The following SPMAP2L variants were observed in gnomAD, a reference collection of about 807,000 sequenced individuals.
SPMAP2L encodes sperm microtubule associated protein 2-like.
At chr4:56,545,474 C>CCAG in the SPMAP2L span, among the ~76,000 whole-genome samples, 11 of 151,894 alleles carry the variant, frequency 7.2e-5, no homozygotes, top group African/African-American at 2.7e-4. Context: ...TGACTCATGC[C>CCAG]CAGCACTTTG....
the SPMAP2L span, among the ~76,000 whole-genome samples, chr4:56,613,433 T>C: frequency 6.6e-6 from 1 of 152,102 alleles, no homozygotes; most frequent in Non-Finnish European, 1.5e-5. Context: ...AGAAAGAAGC[T>C]GTAGACTTCA....
chr4:56,568,913 A>G, the SPMAP2L span, among the ~76,000 whole-genome samples: 1 of 152,172 alleles, frequency 6.6e-6, no homozygotes, highest in African/African-American at 2.4e-5. Context: ...ATCTTACAAT[A>G]TGTTGTTCTT....
chr4:56,612,580 T>C, the SPMAP2L span, among the ~76,000 whole-genome samples: 43 of 118,530 alleles, frequency 3.6e-4, no homozygotes, highest in African/African-American at 1.6e-3. Flanking sequence ...GTTTACTTTT[T>C]TTTTTTCAAG....
the SPMAP2L span, among the ~76,000 whole-genome samples, chr4:56,564,626 T>C: frequency 3.9e-5 from 6 of 152,218 alleles, no homozygotes; most frequent in African/African-American, 7.2e-5. Flanking sequence ...TTTGGTTCCA[T>C]TGATTTTCTC....
chr4:56,624,295 G>A, the SPMAP2L span, among the ~76,000 whole-genome samples: 2 of 152,148 alleles, frequency 1.3e-5, no homozygotes, highest in South Asian at 4.1e-4. Flanking sequence ...GCTGTTAAAA[G>A]CATTCTGTTT....
At chr4:56,575,663 C>G in the SPMAP2L span, 1 of 1,531,074 alleles carries the variant, frequency 6.5e-7, no homozygotes, top group Non-Finnish European at 8.7e-7. Context: ...TTGAGAATCT[C>G]TGTAAATCCT....
At chr4:56,543,305 G>C in the SPMAP2L span, among the ~76,000 whole-genome samples, 11 of 152,154 alleles carry the variant, frequency 7.2e-5, no homozygotes, top group African/African-American at 2.2e-4. Context: ...GGATGGTCTC[G>C]ACCTCCTGCC....
chr4:56,559,415 A>T, the SPMAP2L span: 1 of 1,522,176 alleles, frequency 6.6e-7, no homozygotes, highest in Non-Finnish European at 8.8e-7. Flanking sequence ...GGAAATCAAG[A>T]TCCTATTCGC....
the SPMAP2L span, among the ~76,000 whole-genome samples, chr4:56,542,098 G>T: frequency 6.6e-6 from 1 of 152,224 alleles, no homozygotes; most frequent in Non-Finnish European, 1.5e-5. Flanking sequence ...AAATACTGAT[G>T]AATGTTAAGT....
At chr4:56,566,344 G>T in the SPMAP2L span, among the ~76,000 whole-genome samples, 3 of 151,164 alleles carry the variant, frequency 2.0e-5, no homozygotes, top group Admixed American at 6.6e-5. Flanking sequence ...GATTACAGGT[G>T]CCCACCACCA....
chr4:56,532,966 A>G, the SPMAP2L span, among the ~76,000 whole-genome samples: 6 of 127,464 alleles, frequency 4.7e-5, no homozygotes, highest in African/African-American at 2.0e-4. Flanking sequence ...GAACCCCCCT[A>G]TCAAATTTTC....
chr4:56,592,158 C>A, the SPMAP2L span, among the ~76,000 whole-genome samples: 3 of 152,246 alleles, frequency 2.0e-5, no homozygotes, highest in South Asian at 6.2e-4. Context: ...ACTGTGCATG[C>A]AAAGGATCTA....
chr4:56,558,250 C>A, the SPMAP2L span, among the ~76,000 whole-genome samples: 1 of 152,186 alleles, frequency 6.6e-6, no homozygotes, highest in Non-Finnish European at 1.5e-5. Flanking sequence ...GGATTACAGG[C>A]ATGAGCCACC....
At chr4:56,586,129 G>T in the SPMAP2L span, among the ~76,000 whole-genome samples, 1 of 152,180 alleles carries the variant, frequency 6.6e-6, no homozygotes, top group African/African-American at 2.4e-5. Flanking sequence ...GTCTGAAATG[G>T]TGGGGGGCTG....
At chr4:56,584,519 A>G in the SPMAP2L span, 2 of 1,535,356 alleles carry the variant, frequency 1.3e-6, no homozygotes, top group Non-Finnish European at 1.7e-6. Context: ...TAACTCAGCA[A>G]GAGATTCTCT....
chr4:56,574,069 C>G, the SPMAP2L span, among the ~76,000 whole-genome samples: 1 of 152,098 alleles, frequency 6.6e-6, no homozygotes, highest in Admixed American at 6.6e-5. Context: ...AATGTCACTT[C>G]CTTTTCCACT....
the SPMAP2L span, among the ~76,000 whole-genome samples, chr4:56,547,315 G>C: frequency 0.02 from 2,880 of 147,674 alleles, 79 homozygotes; most frequent in African/African-American, 0.068. Context: ...GTGCAATCTT[G>C]GCTCACTGCA....
the SPMAP2L span, chr4:56,575,648 G>A: frequency 7.8e-6 from 12 of 1,534,312 alleles, no homozygotes; most frequent in Middle Eastern, 5.0e-4. Flanking sequence ...AATAGGTAGA[G>A]TATCTTGAGA....
At chr4:56,620,035 G>C in the SPMAP2L span, among the ~76,000 whole-genome samples, 1 of 152,080 alleles carries the variant, frequency 6.6e-6, no homozygotes, top group Non-Finnish European at 1.5e-5. Context: ...CTGGGACTTG[G>C]ATGCATCTAC....
Sources: allele counts gnomAD v4.1 joint callset (sites outside exome capture counted in the v4.1 genomes callset), GRCh38; gene constraint gnomAD v4.1.1; transcripts MANE v1.5; gene names NCBI Gene and HGNC (gene_info 2026-07-23, HGNC 2026-07-21).